NFIA: variants seen among roughly 807,000 people sequenced by gnomAD.
The protein encoded by NFIA is nuclear factor 1 A-type.
NFIA carries 8 observed loss-of-function variants against 62.8 expected under a neutral mutation model. That is an observed-to-expected ratio of 0.13 (90% CI 0.07 to 0.23). The LOEUF (loss-of-function observed/expected upper bound fraction) is 0.23. NFIA is among the 10% of genes least tolerant of loss of function. The pLI is 1.00. For missense variants in NFIA, 410 were observed against 642.1 expected, an observed-to-expected ratio of 0.64 and a Z score of 3.91; for synonymous variants, 235 against 238.1, an observed-to-expected ratio of 0.99 and a Z score of 0.12.
intron 2 of NFIA, among the ~76,000 whole-genome samples, chr1:61,160,007 A>G (rs1649080396): frequency 6.6e-6 from 1 of 152,184 alleles, no homozygotes; most frequent in East Asian, 1.9e-4. Flanking sequence ...AAAGTGTCAA[A>G]TAAGCATAAG....
chr1:61,099,931 T>C (rs929484172), intron 2 of NFIA, among the ~76,000 whole-genome samples: 1 of 152,202 alleles, frequency 6.6e-6, no homozygotes, highest in Non-Finnish European at 1.5e-5. Flanking sequence ...CAGGGTTATA[T>C]GGTTAATAAG....
chr1:61,289,956 C>G (rs1658763477), intron 3 of NFIA, among the ~76,000 whole-genome samples: 1 of 151,816 alleles, frequency 6.6e-6, no homozygotes, highest in Non-Finnish European at 1.5e-5. Flanking sequence ...CTCTCTCATC[C>G]ACCTCATTGC....
chr1:61,093,130 G>T (rs997218153), intron 2 of NFIA, among the ~76,000 whole-genome samples: 1 of 151,852 alleles, frequency 6.6e-6, no homozygotes, highest in Non-Finnish European at 1.5e-5. Context: ...TTAGTTTGAG[G>T]CAACATTGCA....
intron 7 of NFIA, among the ~76,000 whole-genome samples, chr1:61,389,541 G>A (rs1434765214): frequency 1.3e-5 from 2 of 151,890 alleles, no homozygotes; most frequent in Non-Finnish European, 2.9e-5. Context: ...GAGCTAGCCA[G>A]AACCAAGACC....
intron 2 of NFIA, among the ~76,000 whole-genome samples, chr1:61,221,770 C>A: frequency 6.6e-6 from 1 of 152,000 alleles, no homozygotes; most frequent in East Asian, 1.9e-4. Context: ...TGTAATTGAG[C>A]AATGCATTCT....
intron 2 of NFIA, among the ~76,000 whole-genome samples, chr1:61,182,841 A>G (rs55916522): frequency 0.12 from 18,633 of 152,212 alleles, 1,621 homozygotes; most frequent in East Asian, 0.27. Flanking sequence ...GAAATGTTAT[A>G]TGAATGACAG....
At chr1:61,342,896 G>A (rs191973914) in intron 4 of NFIA, among the ~76,000 whole-genome samples, 4 of 152,238 alleles carry the variant, frequency 2.6e-5, no homozygotes, top group Admixed American at 2.0e-4. Context: ...AACTCTCAGC[G>A]TAGTTTCTCA....
chr1:61,439,549 T>G (rs1279664518), intron 10 of NFIA: 1 of 152,154 alleles, frequency 6.6e-6, no homozygotes, highest in Non-Finnish European at 1.5e-5. Context: ...TCTCGCTGCT[T>G]TGGGGTCCCA....
chr1:61,095,215 G>T (rs1314495774), intron 2 of NFIA, among the ~76,000 whole-genome samples: 1 of 152,230 alleles, frequency 6.6e-6, no homozygotes, highest in Non-Finnish European at 1.5e-5. Flanking sequence ...GAGAAAAGGA[G>T]ATGGAAGGAA....
intron 3 of NFIA, among the ~76,000 whole-genome samples, chr1:61,311,182 G>A (rs1405132150): frequency 1.3e-5 from 2 of 152,050 alleles, no homozygotes; most frequent in African/African-American, 2.4e-5. Context: ...AGCTGAGGTC[G>A]GAAGTTCGAG....
At chr1:61,158,513 C>T (rs1648964757) in intron 2 of NFIA, among the ~76,000 whole-genome samples, 1 of 152,150 alleles carries the variant, frequency 6.6e-6, no homozygotes, top group Non-Finnish European at 1.5e-5. Context: ...ATATGTTTTA[C>T]AAGAAATCAT....
intron 2 of NFIA, among the ~76,000 whole-genome samples, chr1:61,258,369 C>T (rs1423531202): frequency 1.3e-5 from 2 of 152,178 alleles, no homozygotes; most frequent in Non-Finnish European, 2.9e-5. Context: ...TTTCTAGACC[C>T]ATCTTTTTAA....
At chr1:61,081,277 G>C (rs908633621), upstream of NFIA, among the ~76,000 whole-genome samples, 2 of 150,538 alleles carry the variant, frequency 1.3e-5, no homozygotes, top group African/African-American at 4.9e-5. Flanking sequence ...AACTGGAAAA[G>C]CAGGCTTACT....
intron 4 of NFIA, 146 bp from the exon 5 acceptor site, chr1:61,352,304 G>A (rs1662585275): frequency 1.7e-6 from 1 of 596,984 alleles, no homozygotes; most frequent in African/African-American, 1.9e-5. Context: ...ATATTCCTTT[G>A]GAGTCATAGT....
chr1:61,404,375 C>T, intron 8 of NFIA, 93 bp downstream of exon 8: 1 of 1,292,814 alleles, frequency 7.7e-7, no homozygotes, highest in Non-Finnish European at 1.0e-6. Context: ...ACGTTGTGCT[C>T]TAATGTTGTG....
At chr1:61,147,160 T>C (rs1392855559) in intron 2 of NFIA, among the ~76,000 whole-genome samples, 1 of 152,154 alleles carries the variant, frequency 6.6e-6, no homozygotes, top group Non-Finnish European at 1.5e-5. Context: ...TAAATCTTTT[T>C]TTTTTTTTGA....
intron 2 of NFIA, among the ~76,000 whole-genome samples, chr1:61,251,781 G>A (rs1656056680): frequency 6.6e-6 from 1 of 152,116 alleles, no homozygotes; most frequent in Non-Finnish European, 1.5e-5. Context: ...CAGCAATCAT[G>A]TATTTAATGA....
intron 6 of NFIA, among the ~76,000 whole-genome samples, chr1:61,370,230 T>C (rs1469119862): frequency 6.6e-6 from 1 of 152,246 alleles, no homozygotes; most frequent in African/African-American, 2.4e-5. Flanking sequence ...CCAAGGATTT[T>C]AGATACATCA....
At chr1:61,082,951 CGCGTGTTTCTGTGTGTGT>C (rs1198740614) in intron 1 of NFIA, 133 bp downstream of exon 1, 31 of 399,316 alleles carry the variant, frequency 7.8e-5, no homozygotes, top group Non-Finnish European at 1.7e-5. Context: ...TCTGTGTCTG[CGCGTGTTTCTGTGTGTGT>C]GCGCGCGTGT....
Sources: gnomAD v4.1 joint callset for allele counts (sites outside exome capture counted in the v4.1 genomes callset) on GRCh38, gnomAD v4.1.1 for gene constraint, MANE v1.5 for transcripts, NCBI Gene and HGNC (gene_info 2026-07-23, HGNC 2026-07-21) for gene names.